Variants in RAD51B observed in about 807,000 individuals in gnomAD.
RAD51B encodes RAD51 paralog B.
Under a neutral mutation model 42.2 loss-of-function variants are expected in RAD51B, and 38 were observed. The observed-to-expected ratio is 0.90, with a 90% CI of 0.70 to 1.18. The LOEUF is 1.18. Ranked by LOEUF, RAD51B falls within the 50% of genes most tolerant of loss-of-function variation. RAD51B has a pLI of 0.00. For synonymous variants in RAD51B, 154 were observed against 145.2 expected (o/e 1.06, Z -0.43); for missense variants, 373 against 400.7 (o/e 0.93, Z 0.59).
At chr14:68,387,220 T>C (rs951954794) in intron 8 of RAD51B, 1 of 152,234 alleles carries the variant, frequency 6.6e-6, no homozygotes, top group Admixed American at 6.5e-5. Flanking sequence ...GTTATTTTAA[T>C]TTCTTTTACA....
rs147057178 is a variant in RAD51B at position 67,914,170 on chromosome 14, A to G, written c.756+26966A>G. On this transcript the variant is annotated intron_variant, in intron 7 of 10. Transcript: ENST00000471583. ...GCTAATTTTTGTATTTTTAGTAAAG[A>G]CGAGGTTTCACCATATTAGCCAGGC... Among the ~76,000 whole-genome samples, 1,370 of 152,186 alleles carry G rather than the reference A, an allele frequency of 9.0e-3. 24 individuals carry two copies. Among genetic ancestry groups the G allele is most frequent in the African/African-American group, 0.031 (1,280 of 41,502 alleles).
chr14:68,464,932 G>A (rs1429204458), intron 9 of RAD51B, among the ~76,000 whole-genome samples: 7 of 152,134 alleles, frequency 4.6e-5, no homozygotes, highest in Non-Finnish European at 1.0e-4. Context: ...CGGCAGAGAG[G>A]TCCCTCCAGG....
chr14:68,410,390 G>T (rs921960108), intron 8 of RAD51B, among the ~76,000 whole-genome samples: 2 of 152,150 alleles, frequency 1.3e-5, no homozygotes, highest in East Asian at 3.9e-4. Flanking sequence ...CACATTCAAG[G>T]CCTCATTTTG....
chr14:67,878,824 C>T (rs1051709896), intron 5 of RAD51B, among the ~76,000 whole-genome samples: 14 of 151,980 alleles, frequency 9.2e-5, no homozygotes, highest in Non-Finnish European at 8.8e-5. Flanking sequence ...CTCAGCCTCC[C>T]GAATAGTTGC....
chr14:68,409,229 G>A (rs986116409), intron 8 of RAD51B, among the ~76,000 whole-genome samples: 3 of 152,202 alleles, frequency 2.0e-5, no homozygotes, highest in Non-Finnish European at 4.4e-5. Flanking sequence ...TGCCCTTGCA[G>A]TGTTGATTTT....
intron 7 of RAD51B, among the ~76,000 whole-genome samples, chr14:68,122,005 A>C (rs1427684112): frequency 6.6e-6 from 1 of 152,060 alleles, no homozygotes; most frequent in Non-Finnish European, 1.5e-5. Flanking sequence ...CACAATAAAC[A>C]CTGGAGCATT....
chr14:68,619,845 C>T (rs574968312), intron 10 of RAD51B, among the ~76,000 whole-genome samples: 4 of 152,234 alleles, frequency 2.6e-5, no homozygotes, highest in African/African-American at 4.8e-5. Flanking sequence ...TGCACCTTTT[C>T]TGTCTTCTCC....
At chr14:68,399,196 C>T (rs1368505874) in intron 8 of RAD51B, among the ~76,000 whole-genome samples, 1 of 151,590 alleles carries the variant, frequency 6.6e-6, no homozygotes, top group Admixed American at 6.6e-5. Context: ...TTCAAACCTA[C>T]AGAAAAGTTC....
intron 7 of RAD51B, among the ~76,000 whole-genome samples, chr14:68,044,454 G>A (rs1470430138): frequency 6.6e-6 from 1 of 152,092 alleles, no homozygotes; most frequent in African/African-American, 2.4e-5. Flanking sequence ...AACACAAGAT[G>A]TATTTTGAGT....
intron 7 of RAD51B, among the ~76,000 whole-genome samples, chr14:68,019,554 A>T (rs972907649): frequency 6.6e-6 from 1 of 152,030 alleles, no homozygotes; most frequent in Non-Finnish European, 1.5e-5. Context: ...TTGCAAATAC[A>T]GTATTTATGA....
At chr14:67,873,467 G>A (rs2042614915) in intron 5 of RAD51B, among the ~76,000 whole-genome samples, 1 of 149,214 alleles carries the variant, frequency 6.7e-6, no homozygotes, top group Non-Finnish European at 1.5e-5. Context: ...TGGAGAAATA[G>A]GAACACTTTT....
At chr14:68,598,685 C>G (rs922708339), downstream of RAD51B, among the ~76,000 whole-genome samples, 3 of 152,162 alleles carry the variant, frequency 2.0e-5, no homozygotes, top group Admixed American at 6.5e-5. Context: ...TCCACGGTGC[C>G]GGGCTCCAGT....
At chr14:68,643,978 C>T (rs551931895) in intron 10 of RAD51B, among the ~76,000 whole-genome samples, 36 of 152,308 alleles carry the variant, frequency 2.4e-4, no homozygotes, top group Admixed American at 3.9e-4. Context: ...TAGCTGTCAC[C>T]TGCCTTTCCC....
chr14:68,108,567 A>G (rs900225398), intron 7 of RAD51B, among the ~76,000 whole-genome samples: 1 of 151,972 alleles, frequency 6.6e-6, no homozygotes, highest in Non-Finnish European at 1.5e-5. Flanking sequence ...GCAAATTCAT[A>G]GAGACAGAAG....
At chr14:67,946,869 C>T (rs1008992850) in intron 7 of RAD51B, among the ~76,000 whole-genome samples, 1 of 152,126 alleles carries the variant, frequency 6.6e-6, no homozygotes, top group Non-Finnish European at 1.5e-5. Flanking sequence ...ATAACTTAAA[C>T]TTGCATTTAT....
chr14:68,611,656 A>C, downstream of RAD51B: 1 of 290,110 alleles, frequency 3.4e-6, no homozygotes, highest in Non-Finnish European at 6.6e-6. Context: ...GAGTGTGCAC[A>C]CTGTGCAGTC....
intron 9 of RAD51B, among the ~76,000 whole-genome samples, chr14:68,430,785 A>G (rs941036227): frequency 6.6e-6 from 1 of 151,920 alleles, no homozygotes; most frequent in Non-Finnish European, 1.5e-5. Context: ...TTCCAACACT[A>G]TGTTGAATAG....
intron 7 of RAD51B, among the ~76,000 whole-genome samples, chr14:68,187,633 T>TC (rs929650551): frequency 6.6e-6 from 1 of 152,152 alleles, no homozygotes; most frequent in Non-Finnish European, 1.5e-5. Context: ...GGGAAAAAGT[T>TC]CCCCATAATC....
chr14:68,654,504 C>T (rs1181376864), intron 11 of RAD51B, among the ~76,000 whole-genome samples: 3 of 152,202 alleles, frequency 2.0e-5, no homozygotes, highest in African/African-American at 7.2e-5. Context: ...CAGTGCCTGG[C>T]AGGCAGATGG....
Sources: gnomAD v4.1 joint callset for allele counts (sites outside exome capture counted in the v4.1 genomes callset) on GRCh38, gnomAD v4.1.1 for gene constraint, MANE v1.5 for transcripts, NCBI Gene and HGNC (gene_info 2026-07-23, HGNC 2026-07-21) for gene names.